Variants in SSC4D observed in about 807,000 individuals in gnomAD.
The protein encoded by SSC4D is scavenger receptor cysteine rich family member with 4 domains, also known as scavenger receptor cysteine-rich domain-containing group B protein.
SSC4D carries 57 observed loss-of-function variants against 63.4 expected under a neutral mutation model. That is an observed-to-expected ratio of 0.90 (90% CI 0.73 to 1.12). The LOEUF is 1.12. SSC4D is among the 50% of genes most tolerant of loss of function. The pLI, the probability that SSC4D is intolerant of heterozygous loss-of-function variation, is 0.00. For synonymous variants in SSC4D, 352 were observed against 345.4 expected (o/e 1.02, Z -0.21); for missense variants, 791 against 806.4 (o/e 0.98, Z 0.23).
rs112887842 is a variant in SSC4D, at chr7:76,389,991, G to A, written c.*68C>T. 1 of 1,588,936 alleles carries A rather than the reference G, an allele frequency of 6.3e-7. No homozygotes were observed. Among genetic ancestry groups the A allele is most frequent in the South Asian group, 1.1e-5 (1 of 88,704 alleles). ...GTGAACTGTAGTCATCACAAGAGGAGGGCTTCCTGGAGGAGGAAGGGAGGT... is the reference window on the plus strand; with the variant it reads ...GTGAACTGTAGTCATCACAAGAGGAAGGCTTCCTGGAGGAGGAAGGGAGGT... On this transcript the variant is annotated 3_prime_UTR_variant, in exon 11 of 11. Transcript: ENST00000275560.
At chr7:76,397,973 C>A in intron 5 of SSC4D, 141 bp from the exon 6 acceptor site, 1 of 861,088 alleles carries the variant, frequency 1.2e-6, no homozygotes, top group Non-Finnish European at 1.7e-6. Flanking sequence ...CCTCCTTGGT[C>A]CAGACTGGGG....
chr7:76,400,603 G>A lies in SSC4D; in HGVS notation c.170-12C>T. The stretch of plus-strand genomic sequence containing the variant: ...CACCAGCCTCAGCTCTGTGAAGAGG[G>A]TGGAGCTGGCACCAGGGGGTCACTG... On this transcript the variant is annotated splice_polypyrimidine_tract_variant and intron_variant, in intron 3 of 10. Transcript: ENST00000275560. The A allele has an allele frequency of 4.8e-6, 7 of 1,444,776 alleles. No individual in the cohort carries two copies. The highest frequency in any genetic ancestry group is 2.9e-5 in the Admixed American group (1 of 34,788). The allele number at this position is 1,444,776 out of a possible 1,614,324, so 89.5% of individuals were successfully genotyped here.
intron 1 of SSC4D, among the ~76,000 whole-genome samples, chr7:76,407,177 T>C (rs1584036132): frequency 6.6e-6 from 1 of 152,130 alleles, no homozygotes; most frequent in African/African-American, 2.4e-5. Context: ...ACCTGGCTGG[T>C]CTGGAACTCC....
intron 1 of SSC4D, among the ~76,000 whole-genome samples, chr7:76,405,922 C>G (rs947682141): frequency 1.3e-5 from 2 of 151,926 alleles, no homozygotes; most frequent in Non-Finnish European, 2.9e-5. Flanking sequence ...CTCCCTCTCT[C>G]CCTTTCTTGC....
intron 1 of SSC4D, among the ~76,000 whole-genome samples, chr7:76,404,963 G>C (rs984672456): frequency 4.0e-5 from 6 of 151,516 alleles, no homozygotes; most frequent in African/African-American, 1.5e-4. Flanking sequence ...CCAGCTACTC[G>C]GGAAGCTGAG....
At chr7:76,401,105 G>A (rs1278363590) in intron 2 of SSC4D, 62 bp from the exon 3 acceptor site, 2 of 1,481,702 alleles carry the variant, frequency 1.3e-6, no homozygotes, top group East Asian at 5.2e-5. Flanking sequence ...CTGGTCCCAG[G>A]AACACACCCC....
Position 76,389,661 on chromosome 7 carries a change from T to G in SSC4D, c.*398A>C. 4 of 184,312 alleles carry G rather than the reference T, an allele frequency of 2.2e-5. No individual in the cohort carries two copies. The highest frequency in any genetic ancestry group is 1.1e-4 in the South Asian group (1 of 9,350). The allele number at this position is 184,312 out of a possible 1,614,324, so 11.4% of individuals were successfully genotyped here. On this transcript the variant is annotated 3_prime_UTR_variant, in exon 11 of 11. Coordinates refer to ENST00000275560, the MANE Select transcript of SSC4D (RefSeq NM_080744.2). ...TTCCCTCTTCTTGGGGATCCCAAGA[T>G]GGGTTGGGGGAAGAGGAGATACCCC...
chr7:76,395,054 C>T (rs1382665360), intron 7 of SSC4D, among the ~76,000 whole-genome samples, 199 bp downstream of exon 7: 2 of 151,978 alleles, frequency 1.3e-5, no homozygotes, highest in African/African-American at 2.4e-5. Flanking sequence ...CCTCCCACCC[C>T]GCTGAAGTTT....
At chr7:76,394,447 C>G (rs1383038197) in intron 7 of SSC4D, among the ~76,000 whole-genome samples, 2 of 148,470 alleles carry the variant, frequency 1.3e-5, no homozygotes, top group Non-Finnish European at 3.0e-5. Context: ...TTCGCTCTGT[C>G]TCGCCCAGAC....
At chr7:76,404,794 C>T (rs1584032266) in intron 1 of SSC4D, among the ~76,000 whole-genome samples, 1 of 150,694 alleles carries the variant, frequency 6.6e-6, no homozygotes, top group Admixed American at 6.6e-5. Context: ...ATTAGGCCGG[C>T]TGCGGTGGCT....
At chr7:76,399,978 G>A (rs1313576757) in intron 4 of SSC4D, among the ~76,000 whole-genome samples, 1 of 152,136 alleles carries the variant, frequency 6.6e-6, no homozygotes, top group Non-Finnish European at 1.5e-5. Context: ...ACCAAACAGT[G>A]AGACCTCATC....
intron 4 of SSC4D, among the ~76,000 whole-genome samples, chr7:76,399,349 G>A (rs1804740501): frequency 6.6e-6 from 1 of 152,070 alleles, no homozygotes; most frequent in South Asian, 2.1e-4. Context: ...CCTCCCTTGG[G>A]AACTGTTAGC....
Position 76,397,576 on chromosome 7 carries a change from G to A in SSC4D, c.810C>T (p.Ser270=), listed in dbSNP as rs1206362774. The A allele has an allele frequency of 6.2e-7, 1 of 1,608,900 alleles. No individual in the cohort carries two copies. The highest frequency in any genetic ancestry group is 1.7e-5 in the Admixed American group (1 of 59,160). Reference sequence around the variant, plus strand: ...CGCAGTTGTGCACACCCCAGCCCAGGCTCTGGCAGGCTGCCAGGCGGGGCT... The same window carrying A: ...CGCAGTTGTGCACACCCCAGCCCAGACTCTGGCAGGCTGCCAGGCGGGGCT... ...GGEPRLAACQ[S]LGWGVHNCGH... is the part of the protein sequence containing the mutation. The change falls in exon 6 of 11, where the codon AGC becomes AGT. Residue 270 remains serine (S), a synonymous_variant. Coordinates refer to ENST00000275560, the MANE Select transcript of SSC4D (RefSeq NM_080744.2).
intron 2 of SSC4D, among the ~76,000 whole-genome samples, chr7:76,402,360 T>G (rs539330448): frequency 4.9e-4 from 75 of 152,064 alleles, no homozygotes; most frequent in Admixed American, 3.0e-3. Flanking sequence ...TTATATTTTT[T>G]AGGTAGAAAT....
intron 1 of SSC4D, among the ~76,000 whole-genome samples, chr7:76,406,292 A>G (rs1004581459): frequency 2.6e-5 from 4 of 152,254 alleles, no homozygotes; most frequent in Non-Finnish European, 5.9e-5. Flanking sequence ...CATTCGAAAT[A>G]TAGTATTGGT....
At chr7:76,398,924 TCACAG>T (rs1345216635) in intron 4 of SSC4D, 127 bp from the exon 5 acceptor site, 2 of 908,522 alleles carry the variant, frequency 2.2e-6, no homozygotes, top group African/African-American at 3.4e-5. Context: ...ACACAAAGAG[TCACAG>T]CCAGGAACAC....
chr7:76,404,187 G>T, intron 2 of SSC4D, 120 bp downstream of exon 2: 2 of 1,364,194 alleles, frequency 1.5e-6, no homozygotes, highest in Non-Finnish European at 9.7e-7. Flanking sequence ...GCAAAGGTCA[G>T]CATTGGAAAG....
In SSC4D at chr7:76,393,604, C is replaced by T. The variant is rs1414430958; in HGVS notation, c.1134G>A (p.Ala378=). 2 of 1,504,696 alleles carry T rather than the reference C, an allele frequency of 1.3e-6. No individual in the cohort carries two copies. Among genetic ancestry groups the T allele is most frequent in the African/African-American group, 1.4e-5 (1 of 69,202 alleles). 93.2% of individuals were successfully genotyped at this position (1,504,696 alleles called of 1,614,324 possible). ...VCDDDWDFAD[A]RVACREAGCG... ...AGCCCGCTTCGCGGCAGGCCACGCGCGCGTCCGCAAAGTCCCAGTCATCGT... is the reference window on the plus strand; with the variant it reads ...AGCCCGCTTCGCGGCAGGCCACGCGTGCGTCCGCAAAGTCCCAGTCATCGT... The change falls in exon 9 of 11, where the codon GCG becomes GCA. Residue 378 remains alanine (A), a synonymous_variant. Coordinates refer to ENST00000275560, the MANE Select transcript of SSC4D (RefSeq NM_080744.2).
chr7:76,401,121 T>C, intron 2 of SSC4D, 78 bp from the exon 3 acceptor site: 1 of 1,462,180 alleles, frequency 6.8e-7, no homozygotes, highest in Non-Finnish European at 9.1e-7. Context: ...ACCCCCCAAC[T>C]CCCACAGTCC....
Sources: gnomAD v4.1 joint callset for allele counts (sites outside exome capture counted in the v4.1 genomes callset) on GRCh38, gnomAD v4.1.1 for gene constraint, MANE v1.5 for transcripts, NCBI Gene and HGNC (gene_info 2026-07-23, HGNC 2026-07-21) for gene names.